The following LNPEP variants were observed in gnomAD, a reference collection of about 807,000 sequenced individuals.
LNPEP encodes leucyl and cystinyl aminopeptidase, also known as leucyl-cystinyl aminopeptidase.
Under a neutral mutation model 120.6 loss-of-function variants are expected in LNPEP, and 64 were observed. The ratio of observed to expected loss-of-function variants is 0.53; its 90% confidence interval spans 0.43 to 0.65. The LOEUF is 0.65. Ranked by LOEUF, LNPEP falls within the 30% of genes least tolerant of loss-of-function variation. LNPEP has a pLI of 0.00. For missense variants in LNPEP, 1,057 were observed against 1,200.0 expected (o/e 0.88, Z 1.76); for synonymous variants, 435 against 425.4 (o/e 1.02, Z -0.28).
intron 1 of LNPEP, among the ~76,000 whole-genome samples, chr5:96,950,931 A>G (rs1169144063): frequency 2.0e-5 from 3 of 152,172 alleles, no homozygotes; most frequent in African/African-American, 7.2e-5. Flanking sequence ...GTTAGAATGA[A>G]GTAATACAGA....
chr5:97,010,855 A>C (rs1207309607), intron 11 of LNPEP: 3 of 985,298 alleles, frequency 3.0e-6, no homozygotes, highest in Non-Finnish European at 3.6e-6. Flanking sequence ...TTATTTTTCA[A>C]TACCTGTGGT....
chr5:97,009,217 G>A (rs1288757434), intron 11 of LNPEP, among the ~76,000 whole-genome samples: 1 of 152,064 alleles, frequency 6.6e-6, no homozygotes, highest in East Asian at 1.9e-4. Flanking sequence ...TCAGATCTTA[G>A]CTCAGCCATT....
chr5:97,016,435 A>G (rs1418983918), intron 13 of LNPEP, among the ~76,000 whole-genome samples: 2 of 152,156 alleles, frequency 1.3e-5, no homozygotes, highest in Non-Finnish European at 2.9e-5. Flanking sequence ...TTCTACCCCC[A>G]TTAAATAAAC....
chr5:96,961,762 A>G (rs920781233), intron 1 of LNPEP, among the ~76,000 whole-genome samples: 1 of 152,102 alleles, frequency 6.6e-6, no homozygotes, highest in African/African-American at 2.4e-5. Context: ...ACATAATACA[A>G]TGTAAATACT....
chr5:96,979,050 A>G (rs1214457633), intron 1 of LNPEP, 88 bp from the exon 2 acceptor site: 1 of 1,439,988 alleles, frequency 6.9e-7, no homozygotes, highest in Admixed American at 2.3e-5. Flanking sequence ...CTTAGTTTAA[A>G]TGTGGTCTAG....
Position 96,946,126 on chromosome 5 carries a change from C to T in LNPEP, c.19+9952C>T, listed in dbSNP as rs374859283. Among the ~76,000 whole-genome samples, 74 of 152,260 alleles carry T rather than the reference C, an allele frequency of 4.9e-4. No individual in the cohort carries two copies. In the East Asian group the frequency reaches 0.013, roughly 26 times the overall value. The stretch of plus-strand genomic sequence containing the variant: ...TCACCTGCAGGAGTTTGGGCTGGCC[C>T]CCTCTTATTAGTAGTTTCTCTGTTT... On this transcript the variant is annotated intron_variant, in intron 1 of 17. Transcript: ENST00000231368.
chr5:97,014,949 G>C lies in LNPEP; in HGVS notation c.2230G>C (p.Val744Leu), dbSNP rs370258042. 8 of 1,561,448 alleles carry C rather than the reference G, an allele frequency of 5.1e-6. No homozygotes were observed. Among genetic ancestry groups the C allele is most frequent in the African/African-American group, 1.4e-5 (1 of 73,104 alleles). The change falls in exon 13 of 18, where the codon GTA becomes CTA. Residue 744 changes from valine (V) to leucine (L), a missense_variant. Transcript: ENST00000231368. The part of the protein sequence containing the change: ...NIFELAGLGK[V>L]PLKRAFDLIN... ...TCTTTTATCCTTTAGCCTAGGCAAG[G>C]TACCTCTCAAGAGGGCCTTTGATTT...
Position 97,032,539 on chromosome 5 carries a change from G to T in LNPEP, c.*4006G>T, listed in dbSNP as rs954405514. The T allele has an allele frequency of 1.3e-5, 2 of 151,874 alleles. No homozygotes were observed. Among genetic ancestry groups the T allele is most frequent in the Non-Finnish European group, 2.9e-5 (2 of 67,956 alleles). The allele number at this position is 151,874 out of a possible 1,614,324, so 9.4% of individuals were successfully genotyped here. A position where few individuals can be genotyped will look rare whatever the true frequency, so the allele number is the denominator to read the frequency against. On this transcript the variant is annotated 3_prime_UTR_variant, in exon 18 of 18. Coordinates refer to ENST00000231368, the MANE Select transcript of LNPEP (RefSeq NM_005575.3). ...ATTTCATTTTGTATATTTTTTTCCT[G>T]ATGAAGAGTGATATATCATCCTATG...
At chr5:96,939,216 C>CTTTT (rs34230118) in intron 1 of LNPEP, among the ~76,000 whole-genome samples, 2 of 139,364 alleles carry the variant, frequency 1.4e-5, no homozygotes, top group Non-Finnish European at 3.1e-5. Context: ...TGTATACTTT[C>CTTTT]TTTTTTTTTT....
At chr5:96,959,782 G>A (rs576518082) in intron 1 of LNPEP, among the ~76,000 whole-genome samples, 1 of 151,952 alleles carries the variant, frequency 6.6e-6, no homozygotes, top group East Asian at 1.9e-4. Flanking sequence ...TCTAAACTTG[G>A]GAAGATCTAA....
intron 13 of LNPEP, among the ~76,000 whole-genome samples, chr5:97,019,959 TC>T (rs1380362814): frequency 1.3e-5 from 2 of 152,200 alleles, no homozygotes; most frequent in Non-Finnish European, 2.9e-5. Flanking sequence ...CCTTGCATCG[TC>T]AGCGTAGCAA....
intron 12 of LNPEP, among the ~76,000 whole-genome samples, chr5:97,014,426 C>T (rs1284988871): frequency 3.9e-5 from 6 of 152,112 alleles, no homozygotes; most frequent in Non-Finnish European, 5.9e-5. Context: ...GCCCTTCTTA[C>T]GTCATCCTAG....
intron 11 of LNPEP, 44 bp downstream of exon 11, chr5:97,006,559 A>G: frequency 9.5e-7 from 1 of 1,053,474 alleles, no homozygotes; most frequent in South Asian, 1.3e-5. Flanking sequence ...GCATAATTTT[A>G]AAAATCTGAT....
chr5:97,016,328 C>T (rs1029164049), intron 13 of LNPEP, among the ~76,000 whole-genome samples: 5 of 152,122 alleles, frequency 3.3e-5, no homozygotes, highest in African/African-American at 1.2e-4. Flanking sequence ...GATTGAAACA[C>T]ACCAGAAACA....
At position 97,005,336 on chromosome 5, in the gene LNPEP, T is replaced by G. The variant is rs555309415; in HGVS notation, c.1786-737T>G. On this transcript the variant is annotated intron_variant, in intron 9 of 17. Coordinates refer to ENST00000231368, the MANE Select transcript of LNPEP (RefSeq NM_005575.3). ...CCCACCTGCTTTAAAGAGACTGTTG[T>G]TCAAAAATTGCTTCTTAGTTATTGA... 2.6e-5 allele frequency among the ~76,000 whole-genome samples: 4 copies of G among 152,286 alleles called. No individual in the cohort carries two copies. In the East Asian group the frequency reaches 7.7e-4, roughly 29 times the overall value.
chr5:96,983,482 G>T (rs984798370), intron 2 of LNPEP, among the ~76,000 whole-genome samples: 1 of 151,896 alleles, frequency 6.6e-6, no homozygotes, highest in African/African-American at 2.4e-5. Flanking sequence ...ATCTTGCTCT[G>T]TCGCCCAGGT....
chr5:97,030,965 TG>T lies in LNPEP; in HGVS notation c.*2433del, dbSNP rs1320582326. On this transcript the variant is annotated 3_prime_UTR_variant, in exon 18 of 18. Coordinates refer to ENST00000231368, the MANE Select transcript of LNPEP (RefSeq NM_005575.3). The stretch of plus-strand genomic sequence containing the variant: ...GTAAGGTTAAATGAGAGGTAGAACT[TG>T]TAGTGTAATAGGTATAATGGTAGCT... The T allele has an allele frequency of 6.6e-6, 1 of 151,918 alleles. No homozygotes were observed. The highest frequency in any genetic ancestry group is 6.6e-5 in the Admixed American group (1 of 15,236). The allele number at this position is 151,918 out of a possible 1,614,324, so 9.4% of individuals were successfully genotyped here.
At chr5:96,986,480 G>T in intron 3 of LNPEP, 59 bp from the exon 4 acceptor site, 1 of 1,513,860 alleles carries the variant, frequency 6.6e-7, no homozygotes, top group Non-Finnish European at 9.0e-7. Flanking sequence ...TTCTCAGTTT[G>T]TTTGTTATTG....
intron 1 of LNPEP, among the ~76,000 whole-genome samples, chr5:96,969,107 T>C: frequency 6.6e-6 from 1 of 152,088 alleles, no homozygotes; most frequent in East Asian, 1.9e-4. Context: ...ATCAGATACT[T>C]CAAAATGAGG....
Sources: allele counts gnomAD v4.1 joint callset (sites outside exome capture counted in the v4.1 genomes callset), GRCh38; gene constraint gnomAD v4.1.1; transcripts MANE v1.5; gene names NCBI Gene and HGNC (gene_info 2026-07-23, HGNC 2026-07-21).